EP400: variants seen among roughly 807,000 people sequenced by gnomAD.
EP400 encodes the protein E1A-binding protein p400.
EP400 carries 105 observed loss-of-function variants against 354.1 expected under a neutral mutation model. The observed-to-expected ratio is 0.30, with a 90% CI of 0.25 to 0.35. EP400 has a LOEUF of 0.35. Among genes scored for constraint, EP400 ranks in the 10% least tolerant of loss-of-function variants. The pLI is 1.00. For synonymous variants in EP400, 1,646 were observed against 1,716.9 expected, an observed-to-expected ratio of 0.96 and a Z score of 1.02; for missense variants, 3,280 against 4,121.0, an observed-to-expected ratio of 0.80 and a Z score of 5.59.
At chr12:131,986,914 G>T in intron 6 of EP400, 107 bp downstream of exon 6, 2 of 1,335,280 alleles carry the variant, frequency 1.5e-6, no homozygotes, top group South Asian at 1.4e-5. Flanking sequence ...GGTCAATTCA[G>T]CATGGCTTGG....
At chr12:131,955,886 TC>T (rs1337605241) in intron 1 of EP400, among the ~76,000 whole-genome samples, 3 of 152,288 alleles carry the variant, frequency 2.0e-5, no homozygotes, top group Non-Finnish European at 4.4e-5. Context: ...CCTCAGGTGA[TC>T]CGCCCGCCTC....
chr12:131,982,452 G>T lies in EP400; in HGVS notation c.1903G>T (p.Ala635Ser). 6.2e-7 allele frequency: 1 copy of T among 1,608,452 alleles called. No individual in the cohort carries two copies. Among genetic ancestry groups the T allele is most frequent in the Non-Finnish European group, 8.5e-7 (1 of 1,175,618 alleles). The change falls in exon 5 of 53, where the codon GCC becomes TCC. Residue 635 changes from alanine to serine, a missense_variant. Physicochemically the swap from Ala to Ser is moderately conservative, Grantham distance 99. Transcript: ENST00000389561. ...VPTPGKVQVQASQLSSLPQMV... is the reference protein window; with the variant it reads ...VPTPGKVQVQSSQLSSLPQMV... The stretch of plus-strand genomic sequence containing the variant: ...CACACCTGGAAAGGTGCAGGTGCAG[G>T]CCTCTCAGCTTTCCTCCCTGCCACA...
At chr12:132,007,897 A>G (rs1030786164) in intron 15 of EP400, among the ~76,000 whole-genome samples, 2 of 152,088 alleles carry the variant, frequency 1.3e-5, no homozygotes, top group African/African-American at 2.4e-5. Context: ...TCTCAGTCCA[A>G]GTAGCTTAAG....
chr12:131,992,361 G>A (rs1893068700), intron 11 of EP400, 131 bp downstream of exon 11: 2 of 827,892 alleles, frequency 2.4e-6, no homozygotes, highest in South Asian at 1.6e-5. Flanking sequence ...TATTTATCCA[G>A]ATGTCTCTCA....
In EP400 at chr12:132,044,201, G is replaced by T; in HGVS notation, c.6475G>T (p.Ala2159Ser). ...SEDAVMTAVR[A>S]WEFWNLKTLQ... ...GGACGCAGTGATGACTGCAGTGAGG[G>T]CATGGGAGTTCTGGAACCTGAAGAC... Residue 2159 changes from alanine to serine, a missense_variant, in exon 35 of 53, where the codon GCA (alanine) becomes TCA (serine). Physicochemically the swap from Ala to Ser is moderately conservative, Grantham distance 99. This residue lies in a region of EP400 where 231 missense variants were observed against 257.9 expected (regional missense o/e 0.90). Coordinates refer to ENST00000389561, the MANE Select transcript of EP400 (RefSeq NM_015409.5). 6.2e-7 allele frequency: 1 copy of T among 1,614,242 alleles called. No homozygotes were observed. Among genetic ancestry groups the T allele is most frequent in the Non-Finnish European group, 8.5e-7 (1 of 1,180,048 alleles).
At chr12:132,023,561 A>G (rs1894199258) in intron 23 of EP400, among the ~76,000 whole-genome samples, 1 of 152,202 alleles carries the variant, frequency 6.6e-6, no homozygotes, top group Admixed American at 6.5e-5. Flanking sequence ...ATTATGGTTA[A>G]GTAAAGTTAA....
intron 15 of EP400, among the ~76,000 whole-genome samples, chr12:132,007,273 A>T (rs1282700556): frequency 6.6e-6 from 1 of 152,204 alleles, no homozygotes; most frequent in Admixed American, 6.5e-5. Flanking sequence ...GGCTCACTGT[A>T]TCCTTTTCAT....
rs918958083 is a variant in EP400 at position 132,052,361 on chromosome 12, G to A, written c.7395-785G>A. 7.2e-5 allele frequency among the ~76,000 whole-genome samples: 11 copies of A among 152,124 alleles called. No homozygotes were observed. Among genetic ancestry groups the A allele is most frequent in the Non-Finnish European group, 1.5e-4 (10 of 68,000 alleles). ...AGGAGTTGGCTCAGGGCCCATCTCC[G>A]CAAACCCCCAGGACTCCCTACTGCC... is the stretch of plus-strand genomic sequence containing the variant. On this transcript the variant is annotated intron_variant, in intron 41 of 52. Transcript: ENST00000389561. The surrounding 1 kb of genome is among the most constrained non-coding windows in gnomAD (Gnocchi z 4.4).
chr12:131,969,807 T>C (rs1195082480), intron 2 of EP400, among the ~76,000 whole-genome samples: 4 of 152,194 alleles, frequency 2.6e-5, no homozygotes, highest in African/African-American at 9.7e-5. Context: ...CCCAGCACTT[T>C]GGGAGGCAGA....
In EP400 at chr12:132,052,181, T is replaced by TA. The variant is rs1273664390; in HGVS notation, c.7395-964dup. On this transcript the variant is annotated intron_variant, in intron 41 of 52. Transcript: ENST00000389561. The surrounding 1 kb of genome is among the most constrained non-coding windows in gnomAD (Gnocchi z 4.4). ...ATATCTGGTATAACTATTCTTGTTT[T>TA]ATATTTTATTATACTGGAACAGCTC... Among the ~76,000 whole-genome samples, 1 of 152,250 alleles carries TA rather than the reference T, an allele frequency of 6.6e-6. No individual in the cohort carries two copies. The highest frequency in any genetic ancestry group is 6.5e-5 in the Admixed American group (1 of 15,292).
rs1895007449 is a variant in EP400, at chr12:132,044,198, A to C, written c.6472A>C (p.Arg2158=). 1 of 1,614,120 alleles carries C rather than the reference A, an allele frequency of 6.2e-7. No homozygotes were observed. Among genetic ancestry groups the C allele is most frequent in the African/African-American group, 1.3e-5 (1 of 74,952 alleles). The change falls in exon 35 of 53, where the codon AGG becomes CGG. Residue 2158 remains arginine (R), a synonymous_variant. Coordinates refer to ENST00000389561, the MANE Select transcript of EP400 (RefSeq NM_015409.5). ...TCAGGACGCAGTGATGACTGCAGTG[A>C]GGGCATGGGAGTTCTGGAACCTGAA... ...NSEDAVMTAV[R]AWEFWNLKTL... is the part of the protein sequence containing the mutation.
At chr12:132,049,402 T>C (rs1035679683) in intron 39 of EP400, among the ~76,000 whole-genome samples, 2 of 152,262 alleles carry the variant, frequency 1.3e-5, no homozygotes, top group Non-Finnish European at 2.9e-5. Context: ...GGAAGCAGAC[T>C]GCTGTGGCCT....
At chr12:132,064,636 G>A (rs1895827376) in intron 47 of EP400, 32 bp from the exon 48 acceptor site, 1 of 1,602,762 alleles carries the variant, frequency 6.2e-7, no homozygotes, top group East Asian at 2.2e-5. Context: ...CACAGTTAAT[G>A]TTGAAGAGAA....
chr12:131,961,529 G>A lies in EP400; in HGVS notation c.910G>A (p.Gly304Arg), dbSNP rs759403894. ...GAGGACACCCGGCGTGCTGCTCCCC[G>A]GGGCTGGGGGCGCAGCGGGGTTTGG... ...FERTPGVLLP[G>R]AGGAAGFGMT... The change falls in exon 2 of 53, where the codon GGG becomes AGG. Residue 304 changes from glycine (G) to arginine (R), a missense_variant. Coordinates refer to ENST00000389561, the MANE Select transcript of EP400 (RefSeq NM_015409.5). The A allele has an allele frequency of 5.7e-6, 9 of 1,570,704 alleles. No individual in the cohort carries two copies. The East Asian group carries it at 7.0e-5, about 12-fold the overall frequency.
chr12:132,063,511 AAAAG>A (rs1895776491), intron 47 of EP400, among the ~76,000 whole-genome samples: 1 of 152,366 alleles, frequency 6.6e-6, no homozygotes, highest in Admixed American at 6.5e-5. Flanking sequence ...AAAGGAAAAA[AAAAG>A]GAAATGTTAT....
intron 2 of EP400, among the ~76,000 whole-genome samples, chr12:131,968,401 T>C (rs1490808336): frequency 6.6e-6 from 1 of 152,226 alleles, no homozygotes; most frequent in Non-Finnish European, 1.5e-5. Context: ...ATGGTTCTGT[T>C]TCTGGATTCT....
chr12:132,031,279 C>T (rs1380367497), intron 29 of EP400: 1 of 519,158 alleles, frequency 1.9e-6, no homozygotes, highest in South Asian at 1.4e-5. Flanking sequence ...TCTGGCATTG[C>T]CTGAGGATAG....
At position 132,017,780 on chromosome 12, in the gene EP400, A is replaced by G; in HGVS notation, c.4110+59A>G. On this transcript the variant is annotated intron_variant, in intron 20 of 52. Coordinates refer to ENST00000389561, the MANE Select transcript of EP400 (RefSeq NM_015409.5). This position sits in a 1 kb window ranked among gnomAD's most constrained non-coding sequence, Gnocchi z 5.0. ...TGGATATCTTTTCTAGGCACATTAT[A>G]GATAAAACCATTCTTGGAAATGGGT... 6.8e-7 allele frequency: 1 copy of G among 1,468,198 alleles called. No individual in the cohort carries two copies. The highest frequency in any genetic ancestry group is 9.0e-7 in the Non-Finnish European group (1 of 1,106,810). 90.9% of individuals were successfully genotyped at this position (1,468,198 alleles called of 1,614,324 possible).
intron 1 of EP400, among the ~76,000 whole-genome samples, chr12:131,956,143 C>G (rs540395476): frequency 1.3e-5 from 2 of 152,256 alleles, no homozygotes; most frequent in South Asian, 4.1e-4. Context: ...CAGTGACCCA[C>G]GCAGCCCTCG....
Sources: gnomAD v4.1 joint callset for allele counts (sites outside exome capture counted in the v4.1 genomes callset) on GRCh38, gnomAD v4.1.1 for gene constraint, gnomAD v4.1.1 regional missense constraint, Gnocchi (gnomAD v3.1) non-coding constraint, MANE v1.5 for transcripts, NCBI Gene and HGNC (gene_info 2026-07-23, HGNC 2026-07-21) for gene names.